Variants in ADARB1 observed in about 807,000 individuals in gnomAD.
ADARB1 encodes the protein double-stranded RNA-specific editase 1.
ADARB1 carries 10 observed loss-of-function variants against 52.4 expected under a neutral mutation model. That is an observed-to-expected ratio of 0.19 (90% CI 0.12 to 0.32). The LOEUF (loss-of-function observed/expected upper bound fraction) is 0.32. Ranked by LOEUF, ADARB1 falls within the 10% of genes least tolerant of loss-of-function variation. The probability of loss-of-function intolerance (pLI) is 1.00; values close to 1 mark genes in which losing one functional copy is unlikely to be tolerated. For synonymous variants in ADARB1, 349 were observed against 371.1 expected, an observed-to-expected ratio of 0.94 and a Z score of 0.68; for missense variants, 643 against 922.3, an observed-to-expected ratio of 0.70 and a Z score of 3.92.
At chr21:45,180,869 G>A (rs756644364) in intron 5 of ADARB1, among the ~76,000 whole-genome samples, 19 of 152,238 alleles carry the variant, frequency 1.2e-4, no homozygotes, top group Admixed American at 3.3e-4. Context: ...TAGAAAATCC[G>A]TGGGGAAAAA....
intron 2 of ADARB1, among the ~76,000 whole-genome samples, chr21:45,168,389 G>T (rs1447900241): frequency 6.6e-6 from 1 of 152,008 alleles, no homozygotes; most frequent in Non-Finnish European, 1.5e-5. Context: ...AAAACTCTTT[G>T]CCTAGCCCTA....
At chr21:45,094,744 G>A (rs2086689669) in intron 1 of ADARB1, among the ~76,000 whole-genome samples, 2 of 151,986 alleles carry the variant, frequency 1.3e-5, no homozygotes, top group South Asian at 4.1e-4. Context: ...GAGAGAGGGG[G>A]GCAAATGAGA....
intron 1 of ADARB1, chr21:45,120,738 A>G (rs1472034551): frequency 2.6e-5 from 4 of 152,170 alleles, no homozygotes; most frequent in African/African-American, 4.8e-5. Flanking sequence ...ATTGGCGACA[A>G]TGTTTGTTTT....
At chr21:45,106,231 T>C (rs1175546118) in intron 1 of ADARB1, among the ~76,000 whole-genome samples, 1 of 151,812 alleles carries the variant, frequency 6.6e-6, no homozygotes, top group African/African-American at 2.4e-5. Flanking sequence ...CTTGGCTATG[T>C]TGCCTGCTGA....
intron 9 of ADARB1, among the ~76,000 whole-genome samples, chr21:45,217,640 A>G (rs961927370): frequency 6.6e-6 from 1 of 152,162 alleles, no homozygotes; most frequent in African/African-American, 2.4e-5. Flanking sequence ...CCATGTAGCT[A>G]TCATTTCCAG....
intron 2 of ADARB1, among the ~76,000 whole-genome samples, chr21:45,165,914 A>C (rs953244971): frequency 1.3e-5 from 2 of 152,060 alleles, no homozygotes; most frequent in Non-Finnish European, 2.9e-5. Context: ...TCTCAAAGCT[A>C]TCCATTTTTG....
chr21:45,101,956 G>C lies in ADARB1; in HGVS notation c.-219-26446G>C, dbSNP rs141511194. Among the ~76,000 whole-genome samples the C allele has an allele frequency of 5.6e-3, 847 of 152,304 alleles. 6 individuals carry two copies. Among genetic ancestry groups the C allele is most frequent in the Middle Eastern group, 0.014 (4 of 294 alleles). On this transcript the variant is annotated intron_variant, in intron 1 of 10. Transcript: ENST00000348831. ...AGGCTGGAGTGCAGTGGTAATCATG[G>C]TTCACTGCAGCCTCAACTTCCAGGC...
chr21:45,107,870 T>C (rs1207644546), intron 1 of ADARB1, among the ~76,000 whole-genome samples: 1 of 152,204 alleles, frequency 6.6e-6, no homozygotes, highest in Non-Finnish European at 1.5e-5. Flanking sequence ...GCGACCAGCC[T>C]GGGCAACATG....
intron 1 of ADARB1, among the ~76,000 whole-genome samples, chr21:45,075,639 G>A (rs1025846631): frequency 1.3e-5 from 2 of 152,250 alleles, no homozygotes; most frequent in Non-Finnish European, 2.9e-5. Context: ...TGGTGGATGG[G>A]TGCGAGGGAA....
At chr21:45,192,441 G>A (rs2092324750) in intron 8 of ADARB1, among the ~76,000 whole-genome samples, 1 of 152,188 alleles carries the variant, frequency 6.6e-6, no homozygotes, top group African/African-American at 2.4e-5. Flanking sequence ...ATCTGAGCCT[G>A]TCATGTGGCT....
At chr21:45,164,409 G>A (rs1372774232) in intron 2 of ADARB1, among the ~76,000 whole-genome samples, 1 of 152,006 alleles carries the variant, frequency 6.6e-6, no homozygotes, top group East Asian at 1.9e-4. Context: ...CAGGCATGGC[G>A]CCCGGGGTGG....
chr21:45,126,431 A>G (rs1268421294), intron 1 of ADARB1, among the ~76,000 whole-genome samples: 1 of 151,884 alleles, frequency 6.6e-6, no homozygotes, highest in Non-Finnish European at 1.5e-5. Flanking sequence ...CCTCCATGAC[A>G]AAAAGACTCC....
intron 3 of ADARB1, among the ~76,000 whole-genome samples, chr21:45,171,921 A>T (rs2091497822): frequency 6.6e-6 from 1 of 152,074 alleles, no homozygotes; most frequent in Admixed American, 6.5e-5. Flanking sequence ...GCCCCGTGGA[A>T]TGGGCTTCTG....
intron 1 of ADARB1, among the ~76,000 whole-genome samples, chr21:45,107,078 T>C (rs1363785996): frequency 6.6e-6 from 1 of 152,202 alleles, no homozygotes; most frequent in Non-Finnish European, 1.5e-5. Context: ...ATGTTATTCA[T>C]ATATACAAAA....
intron 9 of ADARB1, among the ~76,000 whole-genome samples, chr21:45,213,010 C>T (rs2092798026): frequency 6.6e-6 from 1 of 152,122 alleles, no homozygotes; most frequent in Non-Finnish European, 1.5e-5. Context: ...TTTTGCAGTG[C>T]ACAGGACAAA....
intron 1 of ADARB1, among the ~76,000 whole-genome samples, chr21:45,084,256 T>C (rs2123645150): frequency 6.6e-6 from 1 of 152,352 alleles, no homozygotes; most frequent in South Asian, 2.1e-4. Flanking sequence ...TAAATACTCA[T>C]CATAGAACCT....
chr21:45,209,159 T>C (rs529482188), intron 9 of ADARB1, among the ~76,000 whole-genome samples: 2 of 152,344 alleles, frequency 1.3e-5, no homozygotes, highest in Admixed American at 6.5e-5. Context: ...GGCTCATTTT[T>C]ATTCCACACT....
intron 3 of ADARB1, 189 bp downstream of exon 3, chr21:45,171,873 G>A (rs573233344): frequency 5.7e-5 from 33 of 583,294 alleles, no homozygotes; most frequent in Admixed American, 3.5e-4. Flanking sequence ...TGCTGCAGAC[G>A]TTTTTCCTTC....
rs202056921 is a variant in ADARB1, at chr21:45,153,350, T to TC, written c.-47-18260_-47-18259insC. 1.8e-3 allele frequency among the ~76,000 whole-genome samples: 281 copies of TC among 152,000 alleles called. 1 individual carries two copies. Among genetic ancestry groups the TC allele is most frequent in the African/African-American group, 6.0e-3 (247 of 41,482 alleles). The stretch of plus-strand genomic sequence containing the variant: ...TTTAAAAGCTGTTGATGTTTTTTTT[T>TC]TCTCTTTGTATAATATGAAATAATT... On this transcript the variant is annotated intron_variant, in intron 2 of 10. Coordinates refer to ENST00000348831, the MANE Select transcript of ADARB1 (RefSeq NM_001112.4).
Sources: allele counts gnomAD v4.1 joint callset (sites outside exome capture counted in the v4.1 genomes callset), GRCh38; gene constraint gnomAD v4.1.1; transcripts MANE v1.5; gene names NCBI Gene and HGNC (gene_info 2026-07-23, HGNC 2026-07-21).